The following MACROD2 variants were observed in gnomAD, a reference collection of about 807,000 sequenced individuals.
The protein encoded by MACROD2 is mono-ADP ribosylhydrolase 2.
A neutral mutation model predicts 70.4 loss-of-function variants in MACROD2; 36 were observed. The ratio of observed to expected loss-of-function variants is 0.51; its 90% CI spans 0.39 to 0.68. The LOEUF (loss-of-function observed/expected upper bound fraction) is 0.68, where lower values mean the gene tolerates loss of function less well. Ranked by LOEUF, MACROD2 falls within the 30% of genes least tolerant of loss-of-function variation. The pLI, the probability that MACROD2 is intolerant of heterozygous loss-of-function variation, is 0.00. For synonymous variants in MACROD2, 172 were observed against 178.8 expected (o/e 0.96, Z 0.30); for missense variants, 496 against 538.4 (o/e 0.92, Z 0.78).
rs1182564327 is a variant in MACROD2 at position 14,862,132 on chromosome 20, A to ATAAATATATATTATACATAAATATG, written c.418+177197_418+177198insGTAAATATATATTATACATAAATAT. ...ATAAATATATAAATATATAATATAT[A>ATAAATATATATTATACATAAATATG]TAAATATATATTATACATAAATATA... is the stretch of plus-strand genomic sequence containing the variant. On this transcript the variant is annotated intron_variant, in intron 5 of 17. Transcript: ENST00000684519. 6.1e-4 allele frequency among the ~76,000 whole-genome samples: 25 copies of ATAAATATATATTATACATAAATATG among 41,284 alleles called. 1 individual carries two copies. The highest frequency in any genetic ancestry group is 2.2e-3 in the African/African-American group (24 of 10,742). The allele number at this position is 41,284 out of a possible 152,430, so 27.1% of individuals were successfully genotyped here.
intron 4 of MACROD2, among the ~76,000 whole-genome samples, chr20:14,533,154 T>C (rs147187274): frequency 5.3e-5 from 8 of 152,354 alleles, no homozygotes; most frequent in Admixed American, 1.3e-4. Context: ...AAGGAAATTC[T>C]GTCTACTTTA....
At chr20:15,996,951 A>G (rs538546490) in intron 15 of MACROD2, among the ~76,000 whole-genome samples, 5 of 152,288 alleles carry the variant, frequency 3.3e-5, no homozygotes, top group Admixed American at 3.3e-4. Context: ...TCAGTTATGA[A>G]AGAGACTATC....
At chr20:15,368,927 C>T (rs944362080) in intron 6 of MACROD2, among the ~76,000 whole-genome samples, 9 of 152,146 alleles carry the variant, frequency 5.9e-5, no homozygotes, top group Admixed American at 1.3e-4. Flanking sequence ...CTTTTGGTAG[C>T]GGGATACGTC....
In MACROD2 at chr20:14,440,661, T is replaced by A. The variant is rs1392277208; in HGVS notation, c.272-52818T>A. 2.0e-5 allele frequency among the ~76,000 whole-genome samples: 3 copies of A among 152,162 alleles called. No homozygotes were observed. The East Asian group carries it at 5.8e-4, about 29-fold the overall frequency. On this transcript the variant is annotated intron_variant, in intron 3 of 17. Coordinates refer to ENST00000684519, the MANE Select transcript of MACROD2 (RefSeq NM_001351661.2). ...TCAAGATTAATGAGTATTTCACGCT[T>A]GTGCTACTTTTCCACAAGGTTGGCC...
chr20:14,862,152 AATATATAAAT>A (rs1180926278), intron 5 of MACROD2, among the ~76,000 whole-genome samples: 3 of 19,324 alleles, frequency 1.6e-4, no homozygotes, highest in East Asian at 1.3e-3. Flanking sequence ...ATTATACATA[AATATATAAAT>A]ATATATAAAT....
At chr20:14,190,458 G>A (rs1171248989) in intron 3 of MACROD2, among the ~76,000 whole-genome samples, 2 of 151,282 alleles carry the variant, frequency 1.3e-5, no homozygotes, top group East Asian at 3.9e-4. Context: ...GCTAACATGG[G>A]ATAACATGTG....
chr20:15,885,707 T>G (rs925780554), intron 9 of MACROD2, 57 bp from the exon 10 acceptor site: 2 of 1,397,548 alleles, frequency 1.4e-6, no homozygotes, highest in African/African-American at 3.0e-5. Context: ...TCTGGAACAT[T>G]CTTGTGTTTC....
At chr20:14,014,242 C>T (rs115549943) in intron 2 of MACROD2, among the ~76,000 whole-genome samples, 3,062 of 147,234 alleles carry the variant, frequency 0.021, 97 homozygotes, top group African/African-American at 0.069. Context: ...CCCCCACCCC[C>T]AATAATTTTT....
At chr20:15,479,639 C>T (rs903394374) in intron 7 of MACROD2, among the ~76,000 whole-genome samples, 3 of 152,194 alleles carry the variant, frequency 2.0e-5, no homozygotes, top group Non-Finnish European at 2.9e-5. Context: ...AAGTGAAGCA[C>T]TGCTGATTGG....
chr20:15,482,873 G>A (rs1290832020), intron 7 of MACROD2, among the ~76,000 whole-genome samples: 1 of 152,056 alleles, frequency 6.6e-6, no homozygotes, highest in African/African-American at 2.4e-5. Context: ...CTTCTTTGGT[G>A]GGGTGTTTGT....
At chr20:15,877,972 G>A (rs1027428541) in intron 9 of MACROD2, among the ~76,000 whole-genome samples, 6 of 151,922 alleles carry the variant, frequency 3.9e-5, no homozygotes, top group African/African-American at 1.5e-4. Flanking sequence ...TTTTCCCTTG[G>A]GAGTGGAGAG....
chr20:14,987,667 ATTACT>A (rs963144282), intron 5 of MACROD2, among the ~76,000 whole-genome samples: 2 of 152,192 alleles, frequency 1.3e-5, no homozygotes, highest in African/African-American at 4.8e-5. Flanking sequence ...GGAACAAAAA[ATTACT>A]TTACTCTGTA....
chr20:15,016,775 C>T (rs978919952), intron 5 of MACROD2, among the ~76,000 whole-genome samples: 3 of 151,990 alleles, frequency 2.0e-5, no homozygotes, highest in South Asian at 2.1e-4. Context: ...TACATGGTAG[C>T]GGCAAGGGAA....
At chr20:14,608,024 G>A (rs1380229894) in intron 4 of MACROD2, among the ~76,000 whole-genome samples, 2 of 152,110 alleles carry the variant, frequency 1.3e-5, no homozygotes, top group African/African-American at 4.8e-5. Flanking sequence ...AGGCCGAGGT[G>A]GGTGGATCAC....
chr20:15,312,827 G>A (rs2077767726), intron 6 of MACROD2, among the ~76,000 whole-genome samples: 1 of 152,004 alleles, frequency 6.6e-6, no homozygotes, highest in Non-Finnish European at 1.5e-5. Flanking sequence ...CATTATATGT[G>A]TGTGTATATA....
intron 6 of MACROD2, among the ~76,000 whole-genome samples, chr20:15,351,936 A>G (rs1226571935): frequency 1.3e-5 from 2 of 152,204 alleles, no homozygotes; most frequent in Non-Finnish European, 2.9e-5. Flanking sequence ...TACATCTGGT[A>G]CAAACAGGTG....
intron 3 of MACROD2, among the ~76,000 whole-genome samples, chr20:14,094,711 C>G (rs989560440): frequency 2.6e-5 from 4 of 152,160 alleles, no homozygotes; most frequent in Non-Finnish European, 5.9e-5. Flanking sequence ...AACTCACCTA[C>G]TCTCCAGATG....
intron 5 of MACROD2, among the ~76,000 whole-genome samples, chr20:14,801,044 A>G (rs2072569409): frequency 6.6e-6 from 1 of 152,186 alleles, no homozygotes; most frequent in African/African-American, 2.4e-5. Context: ...TTTTTAGCAC[A>G]TAATTTTCTA....
chr20:14,145,254 T>C (rs1003487069), intron 3 of MACROD2, among the ~76,000 whole-genome samples: 7 of 152,178 alleles, frequency 4.6e-5, no homozygotes, highest in Admixed American at 4.6e-4. Context: ...TTATTTTATT[T>C]TTGCCTTTTT....
Sources: allele counts gnomAD v4.1 joint callset (sites outside exome capture counted in the v4.1 genomes callset), GRCh38; gene constraint gnomAD v4.1.1; transcripts MANE v1.5; gene names NCBI Gene and HGNC (gene_info 2026-07-23, HGNC 2026-07-21).